The following DMD variants were observed in gnomAD, a reference collection of about 807,000 sequenced individuals.
DMD encodes the protein dystrophin, also known as mutant dystrophin.
A neutral mutation model predicts 330.1 loss-of-function variants in DMD; 63 were observed. The ratio of observed to expected loss-of-function variants is 0.19; its 90% CI spans 0.16 to 0.24. The LOEUF is 0.24. Among genes scored for constraint, DMD ranks in the 10% least tolerant of loss-of-function variants. DMD has a pLI of 1.00. For missense variants in DMD, 3,344 were observed against 2,684.1 expected, an observed-to-expected ratio of 1.25 and a Z score of -5.43; for synonymous variants, 1,223 against 959.8, an observed-to-expected ratio of 1.27 and a Z score of -5.07.
chrX:33,237,947 A>G (rs1181976655), intron 1 of DMD, among the ~76,000 whole-genome samples: 1 of 112,316 alleles, frequency 8.9e-6, no homozygotes, highest in Non-Finnish European at 1.9e-5. Context: ...AACTAAACAT[A>G]ATAGTTGCCA....
chrX:32,156,459 T>C (rs398124023), intron 44 of DMD, among the ~76,000 whole-genome samples: 2 of 112,469 alleles, frequency 1.8e-5, no homozygotes, highest in African/African-American at 3.2e-5. Context: ...GAAAACCGTA[T>C]GTATTATTTG....
chrX:31,702,130 T>C (rs1392336074), intron 52 of DMD, among the ~76,000 whole-genome samples: 1 of 112,241 alleles, frequency 8.9e-6, no homozygotes, highest in Non-Finnish European at 1.9e-5. Flanking sequence ...GATTTTATTC[T>C]GCCTATTTGG....
chrX:32,701,964 C>T (rs751665061), intron 7 of DMD, among the ~76,000 whole-genome samples: 2 of 111,762 alleles, frequency 1.8e-5, no homozygotes, highest in Admixed American at 1.9e-4. Flanking sequence ...CTATTACTAT[C>T]CCACTTCTGA....
chrX:32,397,775 C>A (rs913106251), intron 30 of DMD, among the ~76,000 whole-genome samples: 1 of 111,030 alleles, frequency 9.0e-6, no homozygotes, highest in Non-Finnish European at 1.9e-5. Context: ...CTCATCAAAC[C>A]ATTCTCATAT....
intron 9 of DMD, among the ~76,000 whole-genome samples, chrX:32,656,390 C>G (rs1014687528): frequency 9.5e-6 from 1 of 105,262 alleles, no homozygotes; most frequent in Non-Finnish European, 2.0e-5. Context: ...TCCATCACTC[C>G]CATCTACACA....
At chrX:32,821,569 C>A (rs1171007238) in intron 5 of DMD, among the ~76,000 whole-genome samples, 1 of 107,519 alleles carries the variant, frequency 9.3e-6, no homozygotes, top group Non-Finnish European at 1.9e-5. Context: ...GCCTGGGCGA[C>A]AGAGCAAGAC....
At chrX:32,947,267 C>T (rs1385175183) in intron 2 of DMD, among the ~76,000 whole-genome samples, 1 of 111,788 alleles carries the variant, frequency 8.9e-6, no homozygotes, top group African/African-American at 3.2e-5. Context: ...AGCACATACA[C>T]GAGCAATTAC....
chrX:31,846,693 C>G (rs1256062224), intron 48 of DMD, among the ~76,000 whole-genome samples: 1 of 111,305 alleles, frequency 9.0e-6, no homozygotes, highest in Admixed American at 9.6e-5. Flanking sequence ...AAAATTTCAT[C>G]TGTGTTTCTT....
At chrX:31,885,631 A>G (rs1170131957) in intron 47 of DMD, among the ~76,000 whole-genome samples, 9 of 87,390 alleles carry the variant, frequency 1.0e-4, no homozygotes, top group East Asian at 3.0e-4. Context: ...AAAAAAAAAA[A>G]AAAAAAGAAA....
chrX:31,585,041 A>G (rs969064202), intron 55 of DMD, among the ~76,000 whole-genome samples: 1 of 110,561 alleles, frequency 9.0e-6, no homozygotes, highest in South Asian at 3.9e-4. Flanking sequence ...GCAAACTCCA[A>G]TGAGGCGCGG....
chrX:31,794,099 T>C (rs1479317471), intron 50 of DMD, among the ~76,000 whole-genome samples: 1 of 111,792 alleles, frequency 8.9e-6, no homozygotes, highest in Non-Finnish European at 1.9e-5. Flanking sequence ...ACAGTTGGAC[T>C]GGTTTAGACT....
chrX:32,609,286 C>A (rs185664089), intron 12 of DMD, among the ~76,000 whole-genome samples: 146 of 110,861 alleles, frequency 1.3e-3, no homozygotes, highest in Non-Finnish European at 1.8e-3. Context: ...CAAAAAATAT[C>A]TTCTTAAATA....
intron 2 of DMD, among the ~76,000 whole-genome samples, chrX:32,945,896 C>A (rs1411950479): frequency 9.0e-6 from 1 of 111,303 alleles, no homozygotes; most frequent in Non-Finnish European, 1.9e-5. Flanking sequence ...CTCTTATTGG[C>A]TAAATCTGCT....
At chrX:31,812,311 G>A (rs1464016962) in intron 50 of DMD, among the ~76,000 whole-genome samples, 7 of 105,270 alleles carry the variant, frequency 6.6e-5, no homozygotes, top group African/African-American at 6.9e-5. Flanking sequence ...GCAAACTATC[G>A]CAAGGACAAA....
intron 20 of DMD, among the ~76,000 whole-genome samples, 161 bp from the exon 21 acceptor site, chrX:32,485,260 A>G (rs1047867151): frequency 6.2e-5 from 7 of 112,019 alleles, no homozygotes; most frequent in African/African-American, 2.3e-4. Flanking sequence ...CTCTATCACC[A>G]GCCATACATT....
chrX:31,841,676 T>C (rs144283952), intron 48 of DMD, among the ~76,000 whole-genome samples: 12,590 of 111,789 alleles, frequency 0.11, 581 homozygotes, highest in South Asian at 0.21. Context: ...ATTATGCTAA[T>C]AGACTCTGCC....
Position 32,775,275 on chromosome X carries a change from C to T in DMD, c.649+34218G>A, listed in dbSNP as rs973687294. ...GCAAGTTGTCAGTGGATCTACCATTCTGGGGTCTAGATGGTGGGCCTCTTC... is the reference window on the plus strand; with the variant it reads ...GCAAGTTGTCAGTGGATCTACCATTTTGGGGTCTAGATGGTGGGCCTCTTC... On this transcript the variant is annotated intron_variant, in intron 7 of 78. Coordinates refer to ENST00000357033, the MANE Select transcript of DMD (RefSeq NM_004006.3). Among the ~76,000 whole-genome samples, 5 of 112,399 alleles carry T rather than the reference C, an allele frequency of 4.4e-5. No homozygotes were observed. In the South Asian group the frequency reaches 1.5e-3, roughly 33 times the overall value.
chrX:32,361,737 A>G (rs1035688237), intron 37 of DMD, among the ~76,000 whole-genome samples: 1 of 111,716 alleles, frequency 9.0e-6, no homozygotes, highest in South Asian at 3.7e-4. Flanking sequence ...ATATCTATCA[A>G]AATATTTTTT....
chrX:32,936,651 T>A (rs1401988424), intron 2 of DMD, among the ~76,000 whole-genome samples: 4 of 111,959 alleles, frequency 3.6e-5, no homozygotes, highest in Non-Finnish European at 7.5e-5. Context: ...AGTCTGCCAC[T>A]GCAAGCACAT....
Sources: gnomAD v4.1 joint callset for allele counts (sites outside exome capture counted in the v4.1 genomes callset) on GRCh38, gnomAD v4.1.1 for gene constraint, MANE v1.5 for transcripts, NCBI Gene and HGNC (gene_info 2026-07-23, HGNC 2026-07-21) for gene names.